Variants in ZNG1C observed in about 807,000 individuals in gnomAD.
ZNG1C encodes zinc-regulated GTPase metalloprotein activator 1C.
At chr9:68,296,609 A>G in the ZNG1C span, among the ~76,000 whole-genome samples, 1 of 152,272 alleles carries the variant, frequency 6.6e-6, no homozygotes, top group Non-Finnish European at 1.5e-5. Flanking sequence ...TTGCTAGGCC[A>G]GATACGCAGT....
At chr9:68,290,256 T>A in the ZNG1C span, among the ~76,000 whole-genome samples, 3 of 146,502 alleles carry the variant, frequency 2.0e-5, no homozygotes, top group African/African-American at 5.3e-5. Flanking sequence ...ATTTAACCTG[T>A]TAAAAGCAAA....
the ZNG1C span, chr9:68,299,277 T>C: frequency 6.9e-7 from 1 of 1,443,266 alleles, no homozygotes; most frequent in Non-Finnish European, 9.2e-7. Flanking sequence ...TTTGTTCTTC[T>C]TCAATTTTAG....
the ZNG1C span, chr9:68,247,522 T>C: frequency 1.3e-6 from 2 of 1,577,200 alleles, no homozygotes; most frequent in Non-Finnish European, 1.7e-6. Flanking sequence ...CAGTTTCTGC[T>C]TTAAGATCTC....
At chr9:68,265,098 G>T in the ZNG1C span, among the ~76,000 whole-genome samples, 2 of 137,024 alleles carry the variant, frequency 1.5e-5, no homozygotes, top group African/African-American at 2.7e-5. Flanking sequence ...CACCATGTTG[G>T]CCAGGCTGGT....
the ZNG1C span, among the ~76,000 whole-genome samples, chr9:68,257,633 G>A: frequency 4.9e-5 from 6 of 121,442 alleles, no homozygotes; most frequent in African/African-American, 2.0e-4. Flanking sequence ...AATCCTCCAG[G>A]CAATATGAGG....
the ZNG1C span, among the ~76,000 whole-genome samples, chr9:68,278,294 GTC>G: frequency 6.7e-6 from 1 of 149,958 alleles, no homozygotes; most frequent in East Asian, 2.0e-4. Context: ...GGTTTTTTGT[GTC>G]TCTATTCCCT....
chr9:68,287,518 CCT>C, the ZNG1C span, among the ~76,000 whole-genome samples: 1 of 152,286 alleles, frequency 6.6e-6, no homozygotes, highest in Admixed American at 6.5e-5. Flanking sequence ...TTTCACCTAT[CCT>C]CCCAACATTT....
chr9:68,267,218 A>G, the ZNG1C span, among the ~76,000 whole-genome samples: 2 of 152,286 alleles, frequency 1.3e-5, no homozygotes, highest in Non-Finnish European at 2.9e-5. Flanking sequence ...CTCAGTTCAT[A>G]TAGTATATAT....
the ZNG1C span, among the ~76,000 whole-genome samples, chr9:68,296,279 G>A: frequency 6.6e-6 from 1 of 152,202 alleles, no homozygotes; most frequent in Non-Finnish European, 1.5e-5. Flanking sequence ...GGATGCAAAG[G>A]CATAAGAATG....
chr9:68,269,146 G>T, the ZNG1C span: 4 of 939,938 alleles, frequency 4.3e-6, no homozygotes, highest in Non-Finnish European at 6.1e-6. Flanking sequence ...AGTTAGTTTG[G>T]CATATTTGAC....
At chr9:68,293,275 C>G in the ZNG1C span, among the ~76,000 whole-genome samples, 1 of 152,242 alleles carries the variant, frequency 6.6e-6, no homozygotes, top group African/African-American at 2.4e-5. Context: ...CAACAAAAAC[C>G]AAAAAAACAA....
chr9:68,247,726 C>G, the ZNG1C span: 2 of 656,764 alleles, frequency 3.0e-6, no homozygotes, highest in East Asian at 5.4e-5. Context: ...AATGTGTTTA[C>G]TGTGTACATG....
the ZNG1C span, among the ~76,000 whole-genome samples, chr9:68,247,404 T>C: frequency 2.4e-4 from 36 of 150,588 alleles, no homozygotes; most frequent in African/African-American, 8.6e-4. Context: ...AGGATGTGTC[T>C]TTTTCAGGGC....
chr9:68,264,749 A>G, the ZNG1C span, among the ~76,000 whole-genome samples: 1 of 23,904 alleles, frequency 4.2e-5, no homozygotes, highest in Non-Finnish European at 8.9e-5. Flanking sequence ...GAGTTCTGTA[A>G]TTTTGAGGAA....
the ZNG1C span, among the ~76,000 whole-genome samples, chr9:68,278,614 GT>G: frequency 3.7e-5 from 1 of 26,864 alleles, no homozygotes; most frequent in East Asian, 6.8e-4. Flanking sequence ...TAGTTGAGTG[GT>G]TTTGAGTGAG....
the ZNG1C span, among the ~76,000 whole-genome samples, chr9:68,268,711 T>C: frequency 6.6e-6 from 1 of 152,214 alleles, no homozygotes; most frequent in Non-Finnish European, 1.5e-5. Flanking sequence ...TGCATATATG[T>C]TTTATTGATG....
the ZNG1C span, among the ~76,000 whole-genome samples, chr9:68,276,625 C>T: frequency 2.8e-5 from 4 of 140,742 alleles, no homozygotes; most frequent in East Asian, 2.0e-4. Context: ...AGATATGCGG[C>T]GTTATTTCTG....
At chr9:68,256,138 A>T in the ZNG1C span, among the ~76,000 whole-genome samples, 1 of 152,222 alleles carries the variant, frequency 6.6e-6, no homozygotes, top group African/African-American at 2.4e-5. Context: ...CGTTGGAATG[A>T]GTTTGATTAT....
the ZNG1C span, among the ~76,000 whole-genome samples, chr9:68,257,553 C>T: frequency 9.8e-6 from 1 of 101,622 alleles, no homozygotes; most frequent in Non-Finnish European, 2.0e-5. Context: ...AAAAAAAATG[C>T]TTTGTAGGTT....
Sources: gnomAD v4.1 joint callset for allele counts (sites outside exome capture counted in the v4.1 genomes callset) on GRCh38, gnomAD v4.1.1 for gene constraint, MANE v1.5 for transcripts, NCBI Gene and HGNC (gene_info 2026-07-23, HGNC 2026-07-21) for gene names.